Variants in ASCC1 observed in about 807,000 individuals in gnomAD.
ASCC1 encodes the protein activating signal cointegrator 1 complex subunit 1.
ASCC1 carries 35 observed loss-of-function variants against 46.6 expected under a neutral mutation model. That is an observed-to-expected ratio of 0.75 (90% confidence interval 0.57 to 0.99). The LOEUF is 0.99. Ranked by LOEUF, ASCC1 falls within the 50% of genes least tolerant of loss-of-function variation. The pLI is 0.00. For synonymous variants in ASCC1, 143 were observed against 146.6 expected, an observed-to-expected ratio of 0.98 and a Z score of 0.18; for missense variants, 376 against 428.7, an observed-to-expected ratio of 0.88 and a Z score of 1.09.
rs1841177996 is a variant in ASCC1, at chr10:72,097,128, G to A, written c.*206C>T. 1 of 647,514 alleles carries A rather than the reference G, an allele frequency of 1.5e-6. No homozygotes were observed. Among genetic ancestry groups the A allele is most frequent in the Non-Finnish European group, 2.9e-6 (1 of 346,498 alleles). The allele number at this position is 647,514 out of a possible 1,614,324, so 40.1% of individuals were successfully genotyped here. A position where few individuals can be genotyped will look rare whatever the true frequency, so the allele number is the denominator to read the frequency against. ...AACCAGAACACACTAAGGGTTATAG[G>A]CACAAATTCTCCTTATGCCCACCAC... On this transcript the variant is annotated 3_prime_UTR_variant, in exon 10 of 10. Coordinates refer to ENST00000672957, the MANE Select transcript of ASCC1 (RefSeq NM_001198800.3).
At chr10:72,146,321 C>T (rs917952736) in intron 7 of ASCC1, among the ~76,000 whole-genome samples, 9 of 152,116 alleles carry the variant, frequency 5.9e-5, no homozygotes, top group Middle Eastern at 3.2e-3. Context: ...AAAGGCCATG[C>T]AGAGCAGAAT....
intron 4 of ASCC1, 139 bp downstream of exon 4, chr10:72,203,286 CAA>C (rs372727374): frequency 0.013 from 7,207 of 546,674 alleles, no homozygotes; most frequent in South Asian, 0.015. Context: ...AACTCCGTCT[CAA>C]AAAAAAAAAA....
chr10:72,216,913 A>G (rs1435669235), upstream of ASCC1: 1 of 456,260 alleles, frequency 2.2e-6, no homozygotes, highest in Admixed American at 2.3e-5. Flanking sequence ...AACTGGTTGA[A>G]GATAGAGTTG....
intron 5 of ASCC1, among the ~76,000 whole-genome samples, chr10:72,175,844 A>G (rs1298569448): frequency 6.6e-6 from 1 of 152,192 alleles, no homozygotes; most frequent in Non-Finnish European, 1.5e-5. Flanking sequence ...CTCAACTTAC[A>G]TTTATTCCCA....
Position 72,128,115 on chromosome 10 carries a change from T to C in ASCC1, c.924A>G (p.Glu308=). 1 of 1,614,066 alleles carries C rather than the reference T, an allele frequency of 6.2e-7. No individual in the cohort carries two copies. Among genetic ancestry groups the C allele is most frequent in the Non-Finnish European group, 8.5e-7 (1 of 1,179,946 alleles). Residue 308 remains glutamate, a synonymous_variant, in exon 9 of 10, where the codon GAA becomes GAG. Transcript: ENST00000672957. ...TATTTCGGCCATCAAATGATTCTCT[T>C]TCCTTGAAGATATATTTGCCTTCCG... ...YTAEGKYIFK[E]RESFDGRNIL... is the part of the protein sequence containing the mutation.
chr10:72,145,463 C>T (rs2132466767), intron 7 of ASCC1, among the ~76,000 whole-genome samples: 1 of 152,312 alleles, frequency 6.6e-6, no homozygotes, highest in South Asian at 2.1e-4. Flanking sequence ...ACCTTCCCAC[C>T]ACTCTTAGCC....
At chr10:72,148,037 A>G (rs921853303) in intron 7 of ASCC1, among the ~76,000 whole-genome samples, 2 of 152,216 alleles carry the variant, frequency 1.3e-5, no homozygotes, top group African/African-American at 4.8e-5. Flanking sequence ...AAGCAATAGT[A>G]GGTAAAGCTG....
intron 9 of ASCC1, among the ~76,000 whole-genome samples, chr10:72,116,627 C>A (rs758249487): frequency 1.3e-5 from 2 of 152,192 alleles, no homozygotes; most frequent in African/African-American, 2.4e-5. Flanking sequence ...TCTGATCTAA[C>A]TTCCAGTTCA....
At chr10:72,162,942 C>CAAAAAAAA (rs34656757) in intron 5 of ASCC1, among the ~76,000 whole-genome samples, 4 of 143,592 alleles carry the variant, frequency 2.8e-5, no homozygotes, top group African/African-American at 1.1e-4. Flanking sequence ...GACTCTGTCT[C>CAAAAAAAA]AAAAAAAAAG....
intron 8 of ASCC1, among the ~76,000 whole-genome samples, chr10:72,132,793 G>C (rs547877756): frequency 6.7e-6 from 1 of 149,856 alleles, no homozygotes; most frequent in African/African-American, 2.4e-5. Flanking sequence ...TTTATTCACT[G>C]TTTATATAAA....
intron 7 of ASCC1, among the ~76,000 whole-genome samples, chr10:72,140,912 C>A (rs1254189075): frequency 2.0e-5 from 3 of 152,046 alleles, no homozygotes; most frequent in African/African-American, 7.2e-5. Flanking sequence ...CTTTCTGTCC[C>A]ATAAGCACAG....
chr10:72,140,714 T>A (rs1040136792), intron 7 of ASCC1, among the ~76,000 whole-genome samples: 1 of 152,190 alleles, frequency 6.6e-6, no homozygotes, highest in African/African-American at 2.4e-5. Context: ...TTCACCCATC[T>A]GTAAGATTTT....
chr10:72,195,499 T>C (rs1855267374), intron 5 of ASCC1, among the ~76,000 whole-genome samples: 2 of 151,938 alleles, frequency 1.3e-5, no homozygotes, highest in South Asian at 2.1e-4. Context: ...GGTAGAATGA[T>C]TACGCTTTCA....
rs755547585 is a variant in ASCC1, at chr10:72,097,244, T to C, written c.*90A>G. The C allele has an allele frequency of 2.2e-6, 2 of 915,506 alleles. No homozygotes were observed. The highest frequency in any genetic ancestry group is 1.3e-5 in the South Asian group (1 of 76,824). 56.7% of individuals were successfully genotyped at this position (915,506 alleles called of 1,614,324 possible). ...ACCCAGGAAAGTCACCATCCAAATG[T>C]CCACATCCCTGCTTGGCAATTAAAA... On this transcript the variant is annotated 3_prime_UTR_variant, in exon 10 of 10. Coordinates refer to ENST00000672957, the MANE Select transcript of ASCC1 (RefSeq NM_001198800.3).
intron 3 of ASCC1, among the ~76,000 whole-genome samples, chr10:72,210,361 T>C (rs1232188566): frequency 1.3e-5 from 2 of 152,120 alleles, no homozygotes; most frequent in Non-Finnish European, 2.9e-5. Flanking sequence ...GGTTTCGCCA[T>C]GTTGACCAGG....
Position 72,107,949 on chromosome 10 carries a change from C to A in ASCC1, c.958-10499G>T, listed in dbSNP as rs543707072. On this transcript the variant is annotated intron_variant, in intron 9 of 9. Transcript: ENST00000672957. The stretch of plus-strand genomic sequence containing the variant: ...GAATAAACAGTGCCAGAGAAGATCC[C>A]TTCCCTTTTAACTGTTGATCTTCAT... Among the ~76,000 whole-genome samples, 3 of 152,192 alleles carry A rather than the reference C, an allele frequency of 2.0e-5. No homozygotes were observed. The East Asian group carries it at 5.8e-4, about 29-fold the overall frequency.
intron 4 of ASCC1, among the ~76,000 whole-genome samples, chr10:72,203,027 C>T (rs919851746): frequency 1.3e-5 from 2 of 152,124 alleles, no homozygotes; most frequent in Non-Finnish European, 2.9e-5. Context: ...TGGCTCACGT[C>T]TATAATCCCA....
chr10:72,097,781 T>C (rs944468738), intron 9 of ASCC1, among the ~76,000 whole-genome samples: 1 of 152,262 alleles, frequency 6.6e-6, no homozygotes, highest in Non-Finnish European at 1.5e-5. Flanking sequence ...GGCCACACCC[T>C]GACTCACAGA....
intron 7 of ASCC1, among the ~76,000 whole-genome samples, chr10:72,149,392 C>A (rs1349196713): frequency 1.5e-5 from 2 of 132,512 alleles, no homozygotes; most frequent in African/African-American, 6.0e-5. Flanking sequence ...AAGCCTAGAT[C>A]ACGCCACTGC....
Sources: gnomAD v4.1 joint callset for allele counts (sites outside exome capture counted in the v4.1 genomes callset) on GRCh38, gnomAD v4.1.1 for gene constraint, MANE v1.5 for transcripts, NCBI Gene and HGNC (gene_info 2026-07-23, HGNC 2026-07-21) for gene names.